The following VPS4A variants were observed in gnomAD, a reference collection of about 807,000 sequenced individuals.
VPS4A encodes vacuolar protein sorting-associated protein 4A.
Under a neutral mutation model 52.3 loss-of-function variants are expected in VPS4A, and 20 were observed. The ratio of observed to expected loss-of-function variants is 0.38; its 90% CI spans 0.27 to 0.56. VPS4A has a LOEUF of 0.56. Ranked by LOEUF, VPS4A falls within the 20% of genes least tolerant of loss-of-function variation. VPS4A has a pLI of 0.72. For missense variants in VPS4A, 419 were observed against 575.9 expected (o/e 0.73, Z 2.79); for synonymous variants, 293 against 227.7 (o/e 1.29, Z -2.58).
chr16:69,320,115 C>T lies in VPS4A; in HGVS notation c.621-26C>T, dbSNP rs1269229015. On this transcript the variant is annotated intron_variant, in intron 6 of 10. Coordinates refer to ENST00000254950, the MANE Select transcript of VPS4A (RefSeq NM_013245.3). The surrounding 1 kb of genome is among the most constrained non-coding windows in gnomAD (Gnocchi z 4.2). ...GCGGGCACGGACGTGAACGTCTTGT[C>T]CTCACCCCCTTTCTCACCTTCACAG... The T allele has an allele frequency of 6.2e-7, 1 of 1,606,906 alleles. No individual in the cohort carries two copies. Among genetic ancestry groups the T allele is most frequent in the East Asian group, 2.2e-5 (1 of 44,590 alleles).
chr16:69,316,638 C>G (rs1965441077), intron 3 of VPS4A, among the ~76,000 whole-genome samples: 1 of 152,198 alleles, frequency 6.6e-6, no homozygotes, highest in Admixed American at 6.5e-5. Context: ...TCTGTCACCT[C>G]CCAGCCTAGT....
intron 6 of VPS4A, among the ~76,000 whole-genome samples, chr16:69,319,821 G>A (rs1278778630): frequency 6.6e-6 from 1 of 152,160 alleles, no homozygotes; most frequent in Non-Finnish European, 1.5e-5. Flanking sequence ...GCAGTGTGTG[G>A]GGGACATGGT....
At position 69,320,165 on chromosome 16, in the gene VPS4A, G is replaced by T. The variant is rs1965493132; in HGVS notation, c.645G>T (p.Leu215=). Reference sequence around the variant, plus strand: ...GGCTGGTCAAGAACCTGTTTGAGCTGGCCAGGCAGCACAAGCCCTCCATCA... The same window carrying T: ...GGCTGGTCAAGAACCTGTTTGAGCTTGCCAGGCAGCACAAGCCCTCCATCA... ...SEKLVKNLFE[L]ARQHKPSIIF... Residue 215 remains leucine (L), a synonymous_variant, in exon 7 of 11, where the codon CTG becomes CTT. Transcript: ENST00000254950. The surrounding 1 kb of genome is among the most constrained non-coding windows in gnomAD (Gnocchi z 4.2). 1 of 1,613,716 alleles carries T rather than the reference G, an allele frequency of 6.2e-7. No individual in the cohort carries two copies. The highest frequency in any genetic ancestry group is 8.5e-7 in the Non-Finnish European group (1 of 1,179,806).
In VPS4A at chr16:69,321,209, T is replaced by C; in HGVS notation, c.1010T>C (p.Ile337Thr). Residue 337 changes from isoleucine to threonine, a missense_variant, in exon 9 of 11, where the codon ATC becomes ACC. Around this residue, in one of 3 missense-constraint regions of VPS4A, gnomAD observed 185 missense variants for 200.2 expected, o/e 0.92. Transcript: ENST00000254950. This position sits in a 1 kb window ranked among gnomAD's most constrained non-coding sequence, Gnocchi z 4.5. ...TACTCGGGCGCGGACATCAGCATCA[T>C]CGTGCGGGACTCTCTCATGCAGCCC... The part of the protein sequence containing the change: ...EGYSGADISI[I>T]VRDSLMQPVR... 1 of 1,568,982 alleles carries C rather than the reference T, an allele frequency of 6.4e-7. No individual in the cohort carries two copies. The highest frequency in any genetic ancestry group is 8.6e-7 in the Non-Finnish European group (1 of 1,157,638).
At chr16:69,314,559 A>T (rs1280366280) in intron 1 of VPS4A, among the ~76,000 whole-genome samples, 1 of 152,154 alleles carries the variant, frequency 6.6e-6, no homozygotes, top group Non-Finnish European at 1.5e-5. Flanking sequence ...TGGGGCTCCC[A>T]GCCATTCATT....
rs200078477 is a variant in VPS4A, at chr16:69,316,128, C to T, written c.133+9C>T. On this transcript the variant is annotated intron_variant, in intron 2 of 10. Transcript: ENST00000254950. ...CCTCCACGCTATCAAGTGTGAGTCA[C>T]ACGAGGGGTCCTCAGGCTGCCGCAC... 5.0e-6 allele frequency: 8 copies of T among 1,613,098 alleles called. No homozygotes were observed. The highest frequency in any genetic ancestry group is 4.0e-5 in the African/African-American group (3 of 74,920).
chr16:69,319,171 G>C (rs553301176), intron 5 of VPS4A, among the ~76,000 whole-genome samples: 1 of 150,218 alleles, frequency 6.7e-6, no homozygotes, highest in Non-Finnish European at 1.5e-5. Context: ...GTGTCACTGT[G>C]CAAGGTCATG....
intron 5 of VPS4A, among the ~76,000 whole-genome samples, 188 bp downstream of exon 5, chr16:69,319,130 T>G (rs1403001700): frequency 6.6e-6 from 1 of 151,832 alleles, no homozygotes; most frequent in Non-Finnish European, 1.5e-5. Context: ...CGTCACAGGG[T>G]GGGGGCAGGA....
rs776846579 is a variant in VPS4A, at chr16:69,316,015, T to C, written c.29T>C (p.Ile10Thr). The C allele has an allele frequency of 2.9e-5, 47 of 1,613,366 alleles. No individual in the cohort carries two copies. The highest frequency in any genetic ancestry group is 3.0e-5 in the Non-Finnish European group (35 of 1,179,872). Residue 10 changes from isoleucine (I) to threonine (T), a missense_variant, in exon 2 of 11, where the codon ATT (isoleucine) becomes ACT (threonine). By Grantham distance (89) the Ile-to-Thr change is moderately conservative (BLOSUM62 -1). Coordinates refer to ENST00000254950, the MANE Select transcript of VPS4A (RefSeq NM_013245.3). MTTSTLQKAIDLVTKATEED... is the reference protein window; with the variant it reads MTTSTLQKATDLVTKATEED... ...TTTGCTTTGCCTTTCCAGAAAGCCA[T>C]TGATCTGGTGACGAAAGCCACAGAG...
chr16:69,315,543 G>A (rs182346907), intron 1 of VPS4A, among the ~76,000 whole-genome samples: 11 of 152,326 alleles, frequency 7.2e-5, no homozygotes, highest in African/African-American at 2.2e-4. Context: ...CTTGCAGTCC[G>A]GGCAGGACTT....
chr16:69,317,368 GCTT>G (rs1290701240), intron 3 of VPS4A, among the ~76,000 whole-genome samples: 1 of 152,084 alleles, frequency 6.6e-6, no homozygotes, highest in African/African-American at 2.4e-5. Context: ...TCTACAAAAA[GCTT>G]CTGGTGCGGG....
Position 69,320,497 on chromosome 16 carries a change from C to T in VPS4A, c.770-191C>T. 1.2e-6 allele frequency: 1 copy of T among 811,852 alleles called. No individual in the cohort carries two copies. 50.3% of individuals were successfully genotyped at this position (811,852 alleles called of 1,614,324 possible). A position where few individuals can be genotyped will look rare whatever the true frequency, so the allele number is the denominator to read the frequency against. On this transcript the variant is annotated intron_variant, in intron 7 of 10. Transcript: ENST00000254950. The surrounding 1 kb of genome is among the most constrained non-coding windows in gnomAD (Gnocchi z 4.2). The stretch of plus-strand genomic sequence containing the variant: ...GCCACTCCACCCCTCCCATGGCAGG[C>T]AGTGCCATAGGTCTCACCTGGCACA...
intron 1 of VPS4A, among the ~76,000 whole-genome samples, chr16:69,313,171 CG>C (rs1254287018): frequency 6.6e-6 from 1 of 151,782 alleles, no homozygotes; most frequent in Non-Finnish European, 1.5e-5. Context: ...TTAGTAGAGA[CG>C]GGGTTTCACC....
chr16:69,322,175 G>A, intron 9 of VPS4A: 1 of 167,624 alleles, frequency 6.0e-6, no homozygotes, highest in South Asian at 1.6e-4. Context: ...GAATAGCACG[G>A]GAAAGACCAG....
chr16:69,316,388 G>T lies in VPS4A; in HGVS notation c.281+16G>T. ...AGGGCAAGGGGTGAGTGTCTGCAGC[G>T]TCCGCCCAGGAACCTGGGCCCTCCT... On this transcript the variant is annotated intron_variant, in intron 3 of 10. Coordinates refer to ENST00000254950, the MANE Select transcript of VPS4A (RefSeq NM_013245.3). The T allele has an allele frequency of 6.2e-7, 1 of 1,612,734 alleles. No individual in the cohort carries two copies. Among genetic ancestry groups the T allele is most frequent in the Non-Finnish European group, 8.5e-7 (1 of 1,179,260 alleles).
chr16:69,322,652 T>C lies in VPS4A; in HGVS notation c.1164T>C (p.Thr388=), dbSNP rs1278250045. ...SPGDPGAMEM[T]WMDVPGDKLL... is the part of the protein sequence containing the mutation. Reference sequence around the variant, plus strand: ...GGGACCCAGGAGCCATGGAGATGACTTGGATGGATGTCCCTGGGGACAAAC... The same window carrying C: ...GGGACCCAGGAGCCATGGAGATGACCTGGATGGATGTCCCTGGGGACAAAC... Residue 388 remains threonine (T), a synonymous_variant, in exon 10 of 11, where the codon ACT becomes ACC. Transcript: ENST00000254950. 6.2e-7 allele frequency: 1 copy of C among 1,613,894 alleles called. No homozygotes were observed. Among genetic ancestry groups the C allele is most frequent in the East Asian group, 2.2e-5 (1 of 44,872 alleles).
chr16:69,318,738 C>T (rs371650963), intron 4 of VPS4A, 27 bp downstream of exon 4: 215 of 1,613,382 alleles, frequency 1.3e-4, no homozygotes, highest in South Asian at 1.9e-4. Context: ...CCTGTGGCAG[C>T]GGCAGGGGAT....
At chr16:69,317,650 G>A (rs572857132) in intron 3 of VPS4A, among the ~76,000 whole-genome samples, 67 of 152,220 alleles carry the variant, frequency 4.4e-4, no homozygotes, top group Middle Eastern at 3.4e-3. Context: ...AATATTAGCC[G>A]GGCGTGGTGG....
chr16:69,324,321 C>G lies in VPS4A; in HGVS notation c.*12C>G, dbSNP rs1965555540. 1.2e-6 allele frequency: 2 copies of G among 1,612,544 alleles called. No homozygotes were observed. Among genetic ancestry groups the G allele is most frequent in the Non-Finnish European group, 1.7e-6 (2 of 1,179,308 alleles). On this transcript the variant is annotated 3_prime_UTR_variant, in exon 11 of 11. Coordinates refer to ENST00000254950, the MANE Select transcript of VPS4A (RefSeq NM_013245.3). ...GGCAAGAGAGTTAAAAGCTGCTTCA[C>G]TTGGGCAATGGTGAAGGTGGGAGGT...
Sources: gnomAD v4.1 joint callset for allele counts (sites outside exome capture counted in the v4.1 genomes callset) on GRCh38, gnomAD v4.1.1 for gene constraint, gnomAD v4.1.1 regional missense constraint, Gnocchi (gnomAD v3.1) non-coding constraint, MANE v1.5 for transcripts, NCBI Gene and HGNC (gene_info 2026-07-23, HGNC 2026-07-21) for gene names.